Variants in LRRC7 observed in about 807,000 individuals in gnomAD.
The protein encoded by LRRC7 is leucine rich repeat containing 7.
In LRRC7, 23 loss-of-function variants were observed where a neutral mutation model predicts 175.7. That is an observed-to-expected ratio of 0.13 (90% CI 0.09 to 0.19). The LOEUF is 0.19. LRRC7 is among the 10% of genes least tolerant of loss of function. The pLI, the probability that LRRC7 is intolerant of heterozygous loss-of-function variation, is 1.00. For synonymous variants in LRRC7, 685 were observed against 680.9 expected (o/e 1.01, Z -0.09); for missense variants, 1,354 against 1,904.7 (o/e 0.71, Z 5.38).
At chr1:69,817,604 C>T (rs572760399) in intron 4 of LRRC7, among the ~76,000 whole-genome samples, 1 of 152,076 alleles carries the variant, frequency 6.6e-6, no homozygotes, top group Admixed American at 6.5e-5. Flanking sequence ...ATTACTTTAG[C>T]TACTCAGAAT....
intron 21 of LRRC7, among the ~76,000 whole-genome samples, chr1:70,040,616 G>A (rs933844496): frequency 6.6e-6 from 1 of 152,128 alleles, no homozygotes; most frequent in Non-Finnish European, 1.5e-5. Context: ...CTCGAGACCA[G>A]CCTGGCCAAC....
chr1:69,653,091 C>T (rs948976412), intron 1 of LRRC7, among the ~76,000 whole-genome samples: 1 of 151,990 alleles, frequency 6.6e-6, no homozygotes, highest in Non-Finnish European at 1.5e-5. Context: ...TAAGAATAGA[C>T]ATGTGGGATA....
At chr1:70,030,566 T>A (rs1407207684) in intron 18 of LRRC7, among the ~76,000 whole-genome samples, 1 of 152,224 alleles carries the variant, frequency 6.6e-6, no homozygotes, top group Non-Finnish European at 1.5e-5. Flanking sequence ...ATTTAGCTGA[T>A]CAGTGCATAC....
At chr1:69,581,110 C>T (rs1557430735) in intron 1 of LRRC7, among the ~76,000 whole-genome samples, 1 of 152,152 alleles carries the variant, frequency 6.6e-6, no homozygotes, top group Non-Finnish European at 1.5e-5. Context: ...GCCAGACATC[C>T]AAGGACTTAC....
Position 70,130,143 on chromosome 1 carries a change from G to T in LRRC7, c.*8256G>T, listed in dbSNP as rs541130468. On this transcript the variant is annotated 3_prime_UTR_variant, in exon 27 of 27. Transcript: ENST00000651989. Reference sequence around the variant, plus strand: ...TGTTTTTTAGTATCTTTCCCATTCTGCCTGAGATCATAGCTATTTGGTGTT... The same window carrying T: ...TGTTTTTTAGTATCTTTCCCATTCTTCCTGAGATCATAGCTATTTGGTGTT... 6.6e-6 allele frequency: 1 copy of T among 152,134 alleles called. No homozygotes were observed. The highest frequency in any genetic ancestry group is 2.4e-5 in the African/African-American group (1 of 41,496). The allele number at this position is 152,134 out of a possible 1,614,324, so 9.4% of individuals were successfully genotyped here.
At chr1:69,952,786 C>T (rs1212187875) in intron 8 of LRRC7, among the ~76,000 whole-genome samples, 3 of 151,812 alleles carry the variant, frequency 2.0e-5, no homozygotes, top group African/African-American at 7.3e-5. Flanking sequence ...TTAGTGCCAA[C>T]AAAATAGAGA....
At chr1:69,936,777 G>T (rs926181657) in intron 8 of LRRC7, among the ~76,000 whole-genome samples, 1 of 152,068 alleles carries the variant, frequency 6.6e-6, no homozygotes, top group African/African-American at 2.4e-5. Context: ...GTGTCCCTGT[G>T]TGCTCAATGT....
At position 69,892,183 on chromosome 1, in the gene LRRC7, G is replaced by A. The variant is rs77638410; in HGVS notation, c.648-39324G>A. 3.1e-4 allele frequency among the ~76,000 whole-genome samples: 47 copies of A among 152,284 alleles called. 1 individual carries two copies. The East Asian group carries it at 8.9e-3, about 29-fold the overall frequency. ...GTTATATTTCAACTATTGGAAAGAC[G>A]GCAGCAGCATATCAGGCAGAGAAAA... On this transcript the variant is annotated intron_variant, in intron 7 of 26. Transcript: ENST00000651989.
At chr1:69,922,000 A>G (rs1646903362) in intron 7 of LRRC7, among the ~76,000 whole-genome samples, 1 of 152,130 alleles carries the variant, frequency 6.6e-6, no homozygotes, top group Non-Finnish European at 1.5e-5. Context: ...ATCTCGGCTC[A>G]CTGCAACCTC....
At chr1:69,925,194 C>T (rs555120454) in intron 7 of LRRC7, among the ~76,000 whole-genome samples, 23 of 152,168 alleles carry the variant, frequency 1.5e-4, no homozygotes, top group African/African-American at 2.9e-4. Flanking sequence ...CTGCTGGATT[C>T]GGTTTGCCAG....
chr1:69,927,004 T>G (rs1019912802), intron 7 of LRRC7, among the ~76,000 whole-genome samples: 18 of 152,330 alleles, frequency 1.2e-4, no homozygotes, highest in East Asian at 9.6e-4. Context: ...ACAGGCCTGG[T>G]GGTGACAAAA....
At chr1:69,976,464 A>C (rs1360553687) in intron 8 of LRRC7, among the ~76,000 whole-genome samples, 1 of 152,142 alleles carries the variant, frequency 6.6e-6, no homozygotes, top group Non-Finnish European at 1.5e-5. Context: ...CTGACTCAAA[A>C]ATTAATCTCC....
chr1:69,963,690 T>C (rs12036363), intron 8 of LRRC7, among the ~76,000 whole-genome samples: 9,383 of 152,272 alleles, frequency 0.062, 284 homozygotes, highest in South Asian at 0.11. Context: ...ATGGGTTACA[T>C]GGTCTTTACT....
intron 24 of LRRC7, among the ~76,000 whole-genome samples, chr1:70,086,228 A>T (rs745905551): frequency 1.4e-4 from 21 of 152,044 alleles, no homozygotes; most frequent in Non-Finnish European, 2.9e-4. Flanking sequence ...GTCTCAAGTG[A>T]TCCTCCTGCC....
intron 6 of LRRC7, among the ~76,000 whole-genome samples, chr1:69,835,549 T>C (rs1681008182): frequency 6.6e-6 from 1 of 151,832 alleles, no homozygotes; most frequent in South Asian, 2.1e-4. Flanking sequence ...TTTTTTAGAG[T>C]ATAAGAACAG....
At chr1:70,046,924 T>C (rs1011073722) in intron 22 of LRRC7, among the ~76,000 whole-genome samples, 1 of 152,132 alleles carries the variant, frequency 6.6e-6, no homozygotes, top group African/African-American at 2.4e-5. Context: ...ACAGGTCCCA[T>C]GATTGAGGTT....
intron 7 of LRRC7, among the ~76,000 whole-genome samples, chr1:69,900,906 C>A (rs1049296151): frequency 6.6e-6 from 1 of 152,016 alleles, no homozygotes; most frequent in African/African-American, 2.4e-5. Context: ...ATGAGAGAAC[C>A]GAATTCATTT....
chr1:70,024,164 A>T (rs1332366954), intron 17 of LRRC7, among the ~76,000 whole-genome samples: 1 of 152,082 alleles, frequency 6.6e-6, no homozygotes. Flanking sequence ...TCTTTGTATA[A>T]CATTCCAACT....
chr1:70,073,288 G>A (rs1662524996), intron 23 of LRRC7, among the ~76,000 whole-genome samples: 1 of 152,050 alleles, frequency 6.6e-6, no homozygotes, highest in Admixed American at 6.6e-5. Context: ...CTCTTAAAGA[G>A]TTCAAAATCA....
Sources: allele counts gnomAD v4.1 joint callset (sites outside exome capture counted in the v4.1 genomes callset), GRCh38; gene constraint gnomAD v4.1.1; transcripts MANE v1.5; gene names NCBI Gene and HGNC (gene_info 2026-07-23, HGNC 2026-07-21).